B3GALT1: variants seen among roughly 807,000 people sequenced by gnomAD.
The protein encoded by B3GALT1 is beta-1,3-galactosyltransferase 1.
In B3GALT1, 10 loss-of-function variants were observed where a neutral mutation model predicts 23.2. The ratio of observed to expected loss-of-function variants is 0.43; its 90% confidence interval spans 0.27 to 0.73. The LOEUF is 0.73. Among genes scored for constraint, B3GALT1 ranks in the 30% least tolerant of loss-of-function variants. B3GALT1 has a pLI of 0.21. For missense variants in B3GALT1, 299 were observed against 405.4 expected, an observed-to-expected ratio of 0.74 and a Z score of 2.25; for synonymous variants, 156 against 141.5, an observed-to-expected ratio of 1.10 and a Z score of -0.73.
intron 3 of B3GALT1, among the ~76,000 whole-genome samples, chr2:167,757,253 GT>G (rs1160959754): frequency 6.6e-6 from 1 of 152,118 alleles, no homozygotes; most frequent in African/African-American, 2.4e-5. Flanking sequence ...TGGGCTGTGT[GT>G]AATAGCATCC....
chr2:167,407,243 A>G (rs1364184517), intron 1 of B3GALT1, among the ~76,000 whole-genome samples: 1 of 152,220 alleles, frequency 6.6e-6, no homozygotes, highest in Non-Finnish European at 1.5e-5. Flanking sequence ...CTAAACAACC[A>G]GTGGGTCAAT....
chr2:167,680,215 A>G (rs1686502498), intron 3 of B3GALT1, among the ~76,000 whole-genome samples: 1 of 152,220 alleles, frequency 6.6e-6, no homozygotes, highest in Non-Finnish European at 1.5e-5. Flanking sequence ...CCTTTGCTTC[A>G]GATGCACGGA....
chr2:167,569,303 A>G (rs1489933538), intron 2 of B3GALT1, among the ~76,000 whole-genome samples: 2 of 151,854 alleles, frequency 1.3e-5, no homozygotes, highest in South Asian at 2.1e-4. Flanking sequence ...CAATACATCA[A>G]CATCTTCCTA....
chr2:167,551,954 T>C (rs1182402302), intron 2 of B3GALT1, among the ~76,000 whole-genome samples: 1 of 152,208 alleles, frequency 6.6e-6, no homozygotes, highest in East Asian at 1.9e-4. Context: ...AAATAATCCT[T>C]TTCAGTAGAG....
In B3GALT1 at chr2:167,628,921, T is replaced by C. The variant is rs542376840; in HGVS notation, c.-409-17988T>C. On this transcript the variant is annotated intron_variant, in intron 2 of 4. Coordinates refer to ENST00000392690, the MANE Select transcript of B3GALT1 (RefSeq NM_020981.4). ...AGTGTGGGAAATTTTATTTGTTCTG[T>C]GGAAGTTACTTGCATAGGGCACATG... Among the ~76,000 whole-genome samples, 5 of 151,814 alleles carry C rather than the reference T, an allele frequency of 3.3e-5. No homozygotes were observed. In the East Asian group the frequency reaches 9.7e-4, roughly 29 times the overall value.
intron 2 of B3GALT1, among the ~76,000 whole-genome samples, chr2:167,529,073 A>T (rs1683272860): frequency 6.6e-6 from 1 of 151,958 alleles, no homozygotes; most frequent in Admixed American, 6.6e-5. Context: ...TCTCACTGAA[A>T]CTCATGTCAT....
chr2:167,829,213 GT>G (rs1371955337), intron 4 of B3GALT1, among the ~76,000 whole-genome samples: 1 of 152,190 alleles, frequency 6.6e-6, no homozygotes, highest in Non-Finnish European at 1.5e-5. Context: ...GCCAGGTGCG[GT>G]GGCTCACGCC....
At chr2:167,538,582 C>T (rs1478253429) in intron 2 of B3GALT1, among the ~76,000 whole-genome samples, 2 of 152,074 alleles carry the variant, frequency 1.3e-5, no homozygotes, top group Non-Finnish European at 2.9e-5. Context: ...TGAGCAAATT[C>T]CCTTTGAATC....
At chr2:167,838,011 G>C (rs1689526709) in intron 4 of B3GALT1, among the ~76,000 whole-genome samples, 3 of 151,106 alleles carry the variant, frequency 2.0e-5, no homozygotes, top group Non-Finnish European at 3.0e-5. Context: ...AGAATCTCTG[G>C]GACACATTCA....
chr2:167,577,476 G>A (rs966190278), intron 2 of B3GALT1, among the ~76,000 whole-genome samples: 1 of 151,756 alleles, frequency 6.6e-6, no homozygotes, highest in Non-Finnish European at 1.5e-5. Flanking sequence ...TTTATGATGA[G>A]CATTTGGATA....
chr2:167,491,656 T>C (rs887480361), intron 2 of B3GALT1, among the ~76,000 whole-genome samples: 1 of 151,718 alleles, frequency 6.6e-6, no homozygotes, highest in Non-Finnish European at 1.5e-5. Flanking sequence ...TTACTAAAAA[T>C]ACAAAAAAAT....
chr2:167,346,746 G>GTGTGT (rs113525892), intron 1 of B3GALT1, among the ~76,000 whole-genome samples: 23 of 148,990 alleles, frequency 1.5e-4, no homozygotes, highest in Middle Eastern at 3.4e-3. Flanking sequence ...GTGTGTGTGT[G>GTGTGT]GGGGGGGGGT....
intron 1 of B3GALT1, among the ~76,000 whole-genome samples, chr2:167,369,047 G>T (rs1221686613): frequency 6.7e-6 from 1 of 150,244 alleles, no homozygotes; most frequent in Non-Finnish European, 1.5e-5. Context: ...GTATTGGGAA[G>T]ATAAAACTCT....
chr2:167,833,581 C>T (rs1042637179), intron 4 of B3GALT1, among the ~76,000 whole-genome samples: 9 of 152,238 alleles, frequency 5.9e-5, no homozygotes, highest in Admixed American at 4.6e-4. Flanking sequence ...AACAGAAAAA[C>T]TACGCGTGAT....
At position 167,474,591 on chromosome 2, in the gene B3GALT1, G is replaced by A. The variant is rs73022094; in HGVS notation, c.-510-15586G>A. Among the ~76,000 whole-genome samples, 523 of 152,046 alleles carry A rather than the reference G, an allele frequency of 3.4e-3. 2 individuals are homozygous for A. Among genetic ancestry groups the A allele is most frequent in the African/African-American group, 0.012 (504 of 41,494 alleles). The stretch of plus-strand genomic sequence containing the variant: ...TGGATCTAAATTTTGACATATAATC[G>A]TATCTTTTTTCTTAAACAGGAACCC... On this transcript the variant is annotated intron_variant, in intron 1 of 4. Transcript: ENST00000392690.
At chr2:167,494,026 A>C (rs918806629) in intron 2 of B3GALT1, among the ~76,000 whole-genome samples, 2 of 152,102 alleles carry the variant, frequency 1.3e-5, no homozygotes, top group African/African-American at 4.8e-5. Context: ...TAATAGGGAG[A>C]TCTGGGCTAA....
intron 1 of B3GALT1, among the ~76,000 whole-genome samples, chr2:167,429,336 G>A (rs1352738101): frequency 6.6e-6 from 1 of 151,288 alleles, no homozygotes; most frequent in East Asian, 1.9e-4. Context: ...GCGTATGGGA[G>A]CAGAAGCTTT....
At chr2:167,642,531 T>C (rs1685671467) in intron 2 of B3GALT1, among the ~76,000 whole-genome samples, 1 of 152,176 alleles carries the variant, frequency 6.6e-6, no homozygotes, top group Non-Finnish European at 1.5e-5. Flanking sequence ...AAATCTCTGC[T>C]CAAATGTCAC....
intron 1 of B3GALT1, among the ~76,000 whole-genome samples, chr2:167,446,429 A>C (rs896282959): frequency 2.0e-5 from 3 of 152,282 alleles, no homozygotes; most frequent in Non-Finnish European, 2.9e-5. Flanking sequence ...AAGTTGGGGA[A>C]GTTCTCCTGG....
Sources: gnomAD v4.1 joint callset for allele counts (sites outside exome capture counted in the v4.1 genomes callset) on GRCh38, gnomAD v4.1.1 for gene constraint, MANE v1.5 for transcripts, NCBI Gene and HGNC (gene_info 2026-07-23, HGNC 2026-07-21) for gene names.